The following PCDHGA8 variants were observed in gnomAD, a reference collection of about 807,000 sequenced individuals.
PCDHGA8 encodes protocadherin gamma-A8.
In PCDHGA8, 45 loss-of-function variants were observed where a neutral mutation model predicts 59.2. The ratio of observed to expected loss-of-function variants is 0.76; its 90% CI spans 0.60 to 0.98. The LOEUF (loss-of-function observed/expected upper bound fraction) is 0.98. PCDHGA8 is among the 50% of genes least tolerant of loss of function. The pLI is 0.00. For missense variants in PCDHGA8, 1,257 were observed against 1,196.2 expected, an observed-to-expected ratio of 1.05 and a Z score of -0.75; for synonymous variants, 531 against 519.0, an observed-to-expected ratio of 1.02 and a Z score of -0.32.
Position 141,394,762 on chromosome 5 carries a change from G to A in PCDHGA8, c.1949G>A (p.Gly650Asp). 1 of 1,613,396 alleles carries A rather than the reference G, an allele frequency of 6.2e-7. No individual in the cohort carries two copies. Among genetic ancestry groups the A allele is most frequent in the Non-Finnish European group, 8.5e-7 (1 of 1,179,984 alleles). ...CTCGTGGTGGCCGTCCAGGACCATGGCCAGCCCCCTCTCTCCGCCACTGTC... is the reference window on the plus strand; with the variant it reads ...CTCGTGGTGGCCGTCCAGGACCATGACCAGCCCCCTCTCTCCGCCACTGTC... ...QSLVVAVQDHGQPPLSATVTL... is the reference protein window; with the variant it reads ...QSLVVAVQDHDQPPLSATVTL... The change falls in exon 1 of 4, where the codon GGC (glycine) becomes GAC (aspartate). Residue 650 changes from glycine to aspartate, a missense_variant. Physicochemically the swap from Gly to Asp is moderately conservative, Grantham distance 94. Coordinates refer to ENST00000398604, the MANE Select transcript of PCDHGA8 (RefSeq NM_032088.2).
intron 3 of PCDHGA8, among the ~76,000 whole-genome samples, chr5:141,505,793 GGACTTGGATC>G (rs2099848390): frequency 6.6e-6 from 1 of 152,142 alleles, no homozygotes; most frequent in Non-Finnish European, 1.5e-5. Flanking sequence ...ACTATCCTTG[GGACTTGGATC>G]GACTTGCTCA....
chr5:141,460,270 C>G (rs1223096441), intron 1 of PCDHGA8, among the ~76,000 whole-genome samples: 1 of 151,828 alleles, frequency 6.6e-6, no homozygotes, highest in Non-Finnish European at 1.5e-5. Context: ...TTTATTTTTT[C>G]TTTTATAGTT....
In PCDHGA8 at chr5:141,483,740, A is replaced by T. The variant is rs2099586227; in HGVS notation, c.2425-11067A>T. Among the ~76,000 whole-genome samples, 4 of 152,148 alleles carry T rather than the reference A, an allele frequency of 2.6e-5. No homozygotes were observed. The South Asian group carries it at 8.3e-4, about 32-fold the overall frequency. ...TGGTTCCCACCATAGTCAAAAGGATATTCCTGAGGATCGAGGCTTGGAAAA... is the reference window on the plus strand; with the variant it reads ...TGGTTCCCACCATAGTCAAAAGGATTTTCCTGAGGATCGAGGCTTGGAAAA... On this transcript the variant is annotated intron_variant, in intron 1 of 3. Transcript: ENST00000398604.
At chr5:141,397,960 A>C in intron 1 of PCDHGA8, 2 of 1,021,904 alleles carry the variant, frequency 2.0e-6, no homozygotes, top group East Asian at 2.6e-5. Context: ...GCCCCAGCTC[A>C]GACTCCCCAG....
intron 1 of PCDHGA8, chr5:141,409,289 G>A: frequency 1.2e-6 from 2 of 1,613,976 alleles, no homozygotes; most frequent in Middle Eastern, 1.6e-4. Context: ...TTCACCTCCA[G>A]GAATGGTTGT....
At chr5:141,472,980 C>CAAAAAAA (rs60579131) in intron 1 of PCDHGA8, among the ~76,000 whole-genome samples, 1 of 86,102 alleles carries the variant, frequency 1.2e-5, no homozygotes, top group South Asian at 4.3e-4. Flanking sequence ...GAGTGAAACT[C>CAAAAAAA]AAAAAAAAAA....
chr5:141,468,763 G>A (rs1341363934), intron 1 of PCDHGA8, among the ~76,000 whole-genome samples: 1 of 152,078 alleles, frequency 6.6e-6, no homozygotes, highest in Non-Finnish European at 1.5e-5. Flanking sequence ...CTACTCGGGA[G>A]GCTGAGGCAG....
intron 1 of PCDHGA8, among the ~76,000 whole-genome samples, chr5:141,446,022 T>C (rs2098484874): frequency 1.3e-5 from 2 of 152,198 alleles, no homozygotes; most frequent in Admixed American, 1.3e-4. Flanking sequence ...TATGGCAATA[T>C]TCCTGGTAAG....
chr5:141,423,440 C>T lies in PCDHGA8; in HGVS notation c.2424+28203C>T, dbSNP rs768389351. 27 of 1,613,852 alleles carry T rather than the reference C, an allele frequency of 1.7e-5. No individual in the cohort carries two copies. In the East Asian group the frequency reaches 4.5e-4, roughly 27 times the overall value. ...GAAGGCGGGTTGGCAGGTATGCCCACGTCACATTTTGTAGGCGTGGACGGG... is the reference window on the plus strand; with the variant it reads ...GAAGGCGGGTTGGCAGGTATGCCCATGTCACATTTTGTAGGCGTGGACGGG... On this transcript the variant is annotated intron_variant, in intron 1 of 3. Coordinates refer to ENST00000398604, the MANE Select transcript of PCDHGA8 (RefSeq NM_032088.2).
At chr5:141,450,006 C>CTTT (rs1554136305) in intron 1 of PCDHGA8, among the ~76,000 whole-genome samples, 1 of 132,986 alleles carries the variant, frequency 7.5e-6, no homozygotes, top group Non-Finnish European at 1.6e-5. Context: ...TGCCATGTCT[C>CTTT]TTTTTTTTTT....
chr5:141,402,973 C>G (rs779898665), intron 1 of PCDHGA8: 1 of 1,607,926 alleles, frequency 6.2e-7, no homozygotes. Context: ...CAACCAAATG[C>G]CAGCTCCGCG....
At chr5:141,428,618 T>C (rs554092834) in intron 1 of PCDHGA8, 1 of 206,012 alleles carries the variant, frequency 4.9e-6, no homozygotes, top group African/African-American at 2.3e-5. Context: ...AATAACAAGA[T>C]AAGCTCTAAC....
At chr5:141,496,509 C>A (rs955577717) in intron 2 of PCDHGA8, among the ~76,000 whole-genome samples, 3 of 152,168 alleles carry the variant, frequency 2.0e-5, no homozygotes, top group Non-Finnish European at 4.4e-5. Context: ...GCCACAAGGA[C>A]CCAGGAGCCC....
intron 1 of PCDHGA8, among the ~76,000 whole-genome samples, chr5:141,473,404 T>A (rs953797915): frequency 6.6e-6 from 1 of 152,226 alleles, no homozygotes; most frequent in Non-Finnish European, 1.5e-5. Flanking sequence ...TCTTTTTTTC[T>A]TCTTCAGTGG....
At chr5:141,478,496 C>G in intron 1 of PCDHGA8, 1 of 1,613,014 alleles carries the variant, frequency 6.2e-7, no homozygotes, top group Non-Finnish European at 8.5e-7. Flanking sequence ...GAGCTGTGAT[C>G]CGGTGTTCTA....
chr5:141,475,950 C>A, intron 1 of PCDHGA8: 1 of 761,530 alleles, frequency 1.3e-6, no homozygotes, highest in African/African-American at 1.7e-5. Flanking sequence ...CCCCTTTCTG[C>A]GCCCCGGGAT....
At chr5:141,470,872 T>TTTTTTG (rs900302332) in intron 1 of PCDHGA8, among the ~76,000 whole-genome samples, 2 of 151,814 alleles carry the variant, frequency 1.3e-5, no homozygotes, top group Admixed American at 1.3e-4. Context: ...GTTTGTTTGT[T>TTTTTTG]TTTTTGTTTT....
In PCDHGA8 at chr5:141,398,940, G is replaced by C. The variant is rs781438773; in HGVS notation, c.2424+3703G>C. 6.2e-7 allele frequency: 1 copy of C among 1,613,944 alleles called. No individual in the cohort carries two copies. Among genetic ancestry groups the C allele is most frequent in the Middle Eastern group, 1.7e-4 (1 of 6,060 alleles). ...AAGTGTCAGCCACTGACCAAGACGAGGGCATCAACTCAGAAATTACTTATT... is the reference window on the plus strand; with the variant it reads ...AAGTGTCAGCCACTGACCAAGACGACGGCATCAACTCAGAAATTACTTATT... On this transcript the variant is annotated intron_variant, in intron 1 of 3. Transcript: ENST00000398604.
In PCDHGA8 at chr5:141,418,448, C is replaced by T. The variant is rs1240295197; in HGVS notation, c.2424+23211C>T. On this transcript the variant is annotated intron_variant, in intron 1 of 3. Transcript: ENST00000398604. ...TGGCAAATATCCAGAATTAGTATTG[C>T]AGAAGACTCTGGACCGAGAAACGCA... 1.9e-6 allele frequency: 3 copies of T among 1,613,850 alleles called. No homozygotes were observed. The African/African-American group carries it at 4.0e-5, about 22-fold the overall frequency.
Sources: gnomAD v4.1 joint callset for allele counts (sites outside exome capture counted in the v4.1 genomes callset) on GRCh38, gnomAD v4.1.1 for gene constraint, MANE v1.5 for transcripts, NCBI Gene and HGNC (gene_info 2026-07-23, HGNC 2026-07-21) for gene names.